CEP43: variants seen among roughly 807,000 people sequenced by gnomAD.
CEP43 encodes centrosomal protein 43, also known as FGFR1 oncogene partner.
CEP43 carries 36 observed loss-of-function variants against 52.6 expected under a neutral mutation model. That is an observed-to-expected ratio of 0.68 (90% CI 0.52 to 0.90). CEP43 has a LOEUF of 0.90. Among genes scored for constraint, CEP43 ranks in the 40% least tolerant of loss-of-function variants. CEP43 has a pLI of 0.00. For missense variants in CEP43, 506 were observed against 472.8 expected (o/e 1.07, Z -0.65); for synonymous variants, 192 against 172.4 (o/e 1.11, Z -0.89).
chr6:167,010,811 A>T lies in CEP43; in HGVS notation c.439-2A>T, dbSNP rs1293239659. On this transcript the variant is annotated splice_acceptor_variant, in intron 5 of 12. Coordinates refer to ENST00000366847, the MANE Select transcript of CEP43 (RefSeq NM_007045.4). LOFTEE classifies it high-confidence loss of function. ...TTTTAATTTTAAACTAAAATATTTTAGGGTGCACTTGATCTATCTGATGTA... is the reference window on the plus strand; with the variant it reads ...TTTTAATTTTAAACTAAAATATTTTTGGGTGCACTTGATCTATCTGATGTA... The T allele has an allele frequency of 2.7e-6, 4 of 1,502,846 alleles. No individual in the cohort carries two copies. The South Asian group carries it at 5.3e-5, about 20-fold the overall frequency. 93.1% of individuals were successfully genotyped at this position (1,502,846 alleles called of 1,614,324 possible). A position where few individuals can be genotyped will look rare whatever the true frequency, so the allele number is the denominator to read the frequency against.
chr6:167,041,758 A>G lies in CEP43; in HGVS notation c.*1780A>G, dbSNP rs967706349. 26 of 995,866 alleles carry G rather than the reference A, an allele frequency of 2.6e-5. No individual in the cohort carries two copies. In the African/African-American group the frequency reaches 4.5e-4, roughly 17 times the overall value. The allele number at this position is 995,866 out of a possible 1,614,324, so 61.7% of individuals were successfully genotyped here. On this transcript the variant is annotated 3_prime_UTR_variant, in exon 13 of 13. Coordinates refer to ENST00000366847, the MANE Select transcript of CEP43 (RefSeq NM_007045.4). ...ACGCAGAGAATCAGACCTTTTGATA[A>G]TATTTGGGAGGGTAAAAGAAATATG...
Position 167,040,993 on chromosome 6 carries a change from T to C in CEP43, c.*1015T>C, listed in dbSNP as rs1347978100. On this transcript the variant is annotated 3_prime_UTR_variant, in exon 13 of 13. Transcript: ENST00000366847. ...TGTAGGTCACGGATGTTTATAATAC[T>C]AAAGTATTTTAAAATGTGCAAGTAG... The C allele has an allele frequency of 9.8e-7, 1 of 1,024,792 alleles. No individual in the cohort carries two copies. The highest frequency in any genetic ancestry group is 1.2e-6 in the Non-Finnish European group (1 of 852,700). The allele number at this position is 1,024,792 out of a possible 1,614,324, so 63.5% of individuals were successfully genotyped here.
Position 166,999,512 on chromosome 6 carries a change from A to C in CEP43, c.100A>C (p.Lys34Gln). ...GAACAGCGGGGTCCTGAACCGCATC[A>C]AGGTGAGGCCGGAGGCTGGGGCCGG... is the stretch of plus-strand genomic sequence containing the variant. ...LENSGVLNRI[K>Q]AELRAAVFLA... Residue 34 changes from lysine to glutamine, a missense_variant and splice_region_variant, in exon 1 of 13, where the codon AAG becomes CAG. Transcript: ENST00000366847. The C allele has an allele frequency of 6.9e-7, 1 of 1,442,808 alleles. No individual in the cohort carries two copies. The highest frequency in any genetic ancestry group is 9.2e-7 in the Non-Finnish European group (1 of 1,091,004). The allele number at this position is 1,442,808 out of a possible 1,614,324, so 89.4% of individuals were successfully genotyped here.
At chr6:167,006,033 G>T (rs977207013) in intron 5 of CEP43, among the ~76,000 whole-genome samples, 2 of 152,202 alleles carry the variant, frequency 1.3e-5, no homozygotes, top group African/African-American at 4.8e-5. Flanking sequence ...CTGTGAGCCT[G>T]CAGTCACTCA....
intron 6 of CEP43, 70 bp downstream of exon 6, chr6:167,010,963 A>G (rs1779971271): frequency 1.2e-6 from 1 of 832,952 alleles, no homozygotes; most frequent in Non-Finnish European, 1.9e-6. Context: ...TTCTCTCTCT[A>G]GTCTTTCTTG....
At chr6:167,008,111 C>A (rs1191974609) in intron 5 of CEP43, among the ~76,000 whole-genome samples, 4 of 147,272 alleles carry the variant, frequency 2.7e-5, no homozygotes, top group Non-Finnish European at 6.0e-5. Flanking sequence ...ACCTGTCTTT[C>A]TAGCCTTATG....
chr6:167,004,207 C>T, intron 4 of CEP43, 57 bp from the exon 5 acceptor site: 1 of 1,530,874 alleles, frequency 6.5e-7, no homozygotes, highest in Non-Finnish European at 8.8e-7. Context: ...CTTCTTTACT[C>T]CTTGAGAATA....
At chr6:167,004,641 G>A (rs1779811091) in intron 5 of CEP43, among the ~76,000 whole-genome samples, 1 of 55,822 alleles carries the variant, frequency 1.8e-5, no homozygotes, top group South Asian at 8.4e-4. Context: ...TGGGTCATGA[G>A]CTAAACTGTC....
At chr6:167,034,165 C>G (rs1780533359) in intron 12 of CEP43, among the ~76,000 whole-genome samples, 194 bp downstream of exon 12, 1 of 152,150 alleles carries the variant, frequency 6.6e-6, no homozygotes, top group East Asian at 1.9e-4. Context: ...TTGTCACTTC[C>G]TTTGGTATGC....
chr6:167,039,874 TA>T lies in CEP43; in HGVS notation c.1126-28del, dbSNP rs747362064. The T allele has an allele frequency of 1.2e-5, 19 of 1,610,762 alleles. 1 individual carries two copies. In the South Asian group the frequency reaches 1.8e-4, roughly 15 times the overall value. On this transcript the variant is annotated intron_variant, in intron 12 of 12. Transcript: ENST00000366847. ...TTAAGACTACTCACATTCTGACACT[TA>T]ATTATTTTCTTTCTTTTGAACAACA...
Position 167,041,844 on chromosome 6 carries a change from G to GGGCCA in CEP43, c.*1866_*1867insGGCCA. 6.9e-6 allele frequency: 1 copy of GGGCCA among 144,934 alleles called. No homozygotes were observed. The highest frequency in any genetic ancestry group is 1.2e-5 in the Non-Finnish European group (1 of 80,404). The allele number at this position is 144,934 out of a possible 1,614,324, so 9.0% of individuals were successfully genotyped here. ...TCTTTTTTTTGCGGGGGGCGGGGGG[G>GGGCCA]ACAGAGTCTCACTGTGTCACTCAGA... On this transcript the variant is annotated 3_prime_UTR_variant, in exon 13 of 13. Transcript: ENST00000366847.
intron 5 of CEP43, among the ~76,000 whole-genome samples, chr6:167,008,661 G>C (rs1482956500): frequency 6.6e-6 from 1 of 151,780 alleles, no homozygotes; most frequent in Admixed American, 6.6e-5. Flanking sequence ...ATTTTTAGTA[G>C]AGACGGGGTT....
chr6:167,035,724 G>A lies in CEP43; in HGVS notation c.1125+1753G>A, dbSNP rs1407762482. 3.3e-5 allele frequency among the ~76,000 whole-genome samples: 5 copies of A among 151,916 alleles called. No individual in the cohort carries two copies. The East Asian group carries it at 9.6e-4, about 29-fold the overall frequency. ...TGGGACTACAGGCGCCTGCCACCACGCCCAGCTGATTTTTTGTATTTTTTT... is the reference window on the plus strand; with the variant it reads ...TGGGACTACAGGCGCCTGCCACCACACCCAGCTGATTTTTTGTATTTTTTT... On this transcript the variant is annotated intron_variant, in intron 12 of 12. Transcript: ENST00000366847.
rs1780860434 is a variant in CEP43, at chr6:167,050,778, A to G, written c.*10800A>G. 2 of 106,646 alleles carry G rather than the reference A, an allele frequency of 1.9e-5. No homozygotes were observed. Among genetic ancestry groups the G allele is most frequent in the Non-Finnish European group, 4.1e-5 (2 of 48,560 alleles). 6.6% of individuals were successfully genotyped at this position (106,646 alleles called of 1,614,324 possible). On this transcript the variant is annotated 3_prime_UTR_variant, in exon 13 of 13. Transcript: ENST00000366847. ...TCTGGGTGACAGAGTGAGACTCAAAAAAGAAAAAAAAAAAAAAAAAAAAAA... is the reference window on the plus strand; with the variant it reads ...TCTGGGTGACAGAGTGAGACTCAAAGAAGAAAAAAAAAAAAAAAAAAAAAA...
chr6:167,039,189 G>A (rs899076968), intron 12 of CEP43, among the ~76,000 whole-genome samples: 9 of 152,060 alleles, frequency 5.9e-5, no homozygotes, highest in Non-Finnish European at 1.2e-4. Flanking sequence ...GAGTGCAGTG[G>A]TGCAATTTCG....
intron 5 of CEP43, among the ~76,000 whole-genome samples, chr6:167,009,911 A>G (rs1053927063): frequency 6.6e-6 from 1 of 152,180 alleles, no homozygotes; most frequent in African/African-American, 2.4e-5. Flanking sequence ...AGACTTGGTA[A>G]ACTAATATTT....
At chr6:167,029,433 A>G (rs1268029823) in intron 10 of CEP43, among the ~76,000 whole-genome samples, 1 of 152,236 alleles carries the variant, frequency 6.6e-6, no homozygotes, top group African/African-American at 2.4e-5. Flanking sequence ...TTTTCTTACC[A>G]GATGAGCATC....
chr6:167,007,573 G>C (rs1779883473), intron 5 of CEP43, among the ~76,000 whole-genome samples: 1 of 151,872 alleles, frequency 6.6e-6, no homozygotes, highest in Admixed American at 6.5e-5. Context: ...TGTATGTTTT[G>C]GCCCTTCATT....
chr6:167,028,183 T>C, intron 10 of CEP43: 2 of 985,448 alleles, frequency 2.0e-6, no homozygotes, highest in Non-Finnish European at 2.4e-6. Flanking sequence ...TGTTTCACTC[T>C]GTTGCCAAAC....
Sources: gnomAD v4.1 joint callset for allele counts (sites outside exome capture counted in the v4.1 genomes callset) on GRCh38, gnomAD v4.1.1 for gene constraint, MANE v1.5 for transcripts, NCBI Gene and HGNC (gene_info 2026-07-23, HGNC 2026-07-21) for gene names.